CNTNAP2: variants seen among roughly 807,000 people sequenced by gnomAD.
The protein encoded by CNTNAP2 is contactin-associated protein-like 2.
Under a neutral mutation model 155.2 loss-of-function variants are expected in CNTNAP2, and 98 were observed. The ratio of observed to expected loss-of-function variants is 0.63; its 90% confidence interval spans 0.54 to 0.75. The LOEUF is 0.75. Ranked by LOEUF, CNTNAP2 falls within the 30% of genes least tolerant of loss-of-function variation. The probability of loss-of-function intolerance (pLI) is 0.00; values close to 1 mark genes in which losing one functional copy is unlikely to be tolerated. For synonymous variants in CNTNAP2, 651 were observed against 631.2 expected (o/e 1.03, Z -0.47); for missense variants, 1,727 against 1,688.1 (o/e 1.02, Z -0.40).
chr7:147,527,437 A>C (rs1799348144), intron 11 of CNTNAP2, among the ~76,000 whole-genome samples: 1 of 152,214 alleles, frequency 6.6e-6, no homozygotes, highest in East Asian at 1.9e-4. Flanking sequence ...AATGCAGCTT[A>C]AGTCCTCTCA....
intron 10 of CNTNAP2, among the ~76,000 whole-genome samples, chr7:147,485,049 G>C (rs1212577084): frequency 1.3e-5 from 2 of 152,114 alleles, no homozygotes; most frequent in Non-Finnish European, 1.5e-5. Flanking sequence ...CAGGAGAAAG[G>C]GTTTGTGCCA....
chr7:147,241,180 C>T (rs1352671882), intron 8 of CNTNAP2, among the ~76,000 whole-genome samples: 2 of 152,152 alleles, frequency 1.3e-5, no homozygotes, highest in African/African-American at 4.8e-5. Flanking sequence ...CAACGTTTCT[C>T]TCTGTCATGG....
chr7:146,299,059 G>A, intron 1 of CNTNAP2, among the ~76,000 whole-genome samples: 1 of 152,120 alleles, frequency 6.6e-6, no homozygotes, highest in East Asian at 1.9e-4. Flanking sequence ...ATCACTTGAA[G>A]TCAGGAGCTC....
chr7:147,783,000 T>C (rs914873016), intron 13 of CNTNAP2, among the ~76,000 whole-genome samples: 2 of 152,230 alleles, frequency 1.3e-5, no homozygotes, highest in African/African-American at 4.8e-5. Context: ...AGTATCTTCT[T>C]ATCTCTAAAT....
At chr7:147,768,989 G>A (rs778356124) in intron 13 of CNTNAP2, among the ~76,000 whole-genome samples, 1 of 151,932 alleles carries the variant, frequency 6.6e-6, no homozygotes, top group Non-Finnish European at 1.5e-5. Flanking sequence ...AGAGATTCTT[G>A]CATCATTTTA....
At chr7:147,438,871 A>C (rs765940657) in intron 10 of CNTNAP2, among the ~76,000 whole-genome samples, 8 of 151,870 alleles carry the variant, frequency 5.3e-5, no homozygotes, top group African/African-American at 9.7e-5. Flanking sequence ...TTTCCAATTT[A>C]TTGACATATA....
intron 13 of CNTNAP2, among the ~76,000 whole-genome samples, chr7:147,796,505 AGC>A (rs200175854): frequency 0.036 from 5,519 of 152,270 alleles, 163 homozygotes; most frequent in Non-Finnish European, 0.059. Context: ...CTGTTTGCTA[AGC>A]ACTTACCAAC....
intron 3 of CNTNAP2, among the ~76,000 whole-genome samples, chr7:146,971,578 G>T (rs1027429433): frequency 6.6e-6 from 1 of 152,244 alleles, no homozygotes; most frequent in African/African-American, 2.4e-5. Context: ...CCAAACTCAG[G>T]TTGCCAGCGT....
At chr7:147,830,180 C>T (rs1344023725) in intron 13 of CNTNAP2, among the ~76,000 whole-genome samples, 7 of 134,778 alleles carry the variant, frequency 5.2e-5, no homozygotes, top group Admixed American at 7.5e-5. Context: ...AAAAAAAAAA[C>T]ATAAACTAGG....
chr7:147,460,681 GT>G (rs200858864), intron 10 of CNTNAP2, among the ~76,000 whole-genome samples: 133 of 152,222 alleles, frequency 8.7e-4, no homozygotes, highest in African/African-American at 3.2e-3. Context: ...GTTTTGCTTT[GT>G]TTTTTGCAGT....
intron 13 of CNTNAP2, among the ~76,000 whole-genome samples, chr7:147,896,843 G>A (rs777641423): frequency 6.6e-6 from 1 of 152,156 alleles, no homozygotes; most frequent in Non-Finnish European, 1.5e-5. Flanking sequence ...CTGTGGGAAA[G>A]GGCTATTATC....
At chr7:146,180,744 CCA>C (rs956422852) in intron 1 of CNTNAP2, among the ~76,000 whole-genome samples, 2 of 152,202 alleles carry the variant, frequency 1.3e-5, no homozygotes, top group Admixed American at 6.5e-5. Flanking sequence ...GTAATCTTCA[CCA>C]CAGTCTTTGA....
At chr7:147,474,692 CT>C (rs774605172) in intron 10 of CNTNAP2, among the ~76,000 whole-genome samples, 1 of 152,122 alleles carries the variant, frequency 6.6e-6, no homozygotes, top group South Asian at 2.1e-4. Flanking sequence ...AGAGAAGTGA[CT>C]TTCTTACTGA....
intron 3 of CNTNAP2, among the ~76,000 whole-genome samples, chr7:147,042,983 G>T (rs944850081): frequency 1.3e-5 from 2 of 151,980 alleles, no homozygotes; most frequent in Non-Finnish European, 2.9e-5. Flanking sequence ...AGCTGAAACT[G>T]CTCATGTTTA....
chr7:148,285,464 G>A (rs768832724), intron 21 of CNTNAP2, among the ~76,000 whole-genome samples: 4 of 152,178 alleles, frequency 2.6e-5, no homozygotes, highest in East Asian at 1.9e-4. Flanking sequence ...CTTTTATCAC[G>A]GGTGCCAGAT....
chr7:146,339,254 C>T (rs926815769), intron 1 of CNTNAP2, among the ~76,000 whole-genome samples: 1 of 151,612 alleles, frequency 6.6e-6, no homozygotes, highest in Admixed American at 6.6e-5. Flanking sequence ...TACACATATG[C>T]GTGTACATAC....
At chr7:147,291,024 A>C (rs1486014701) in intron 8 of CNTNAP2, among the ~76,000 whole-genome samples, 3 of 152,192 alleles carry the variant, frequency 2.0e-5, no homozygotes, top group Non-Finnish European at 4.4e-5. Context: ...CAAACATGGA[A>C]TCAGCATATA....
At chr7:147,297,023 A>C (rs1022608111) in intron 8 of CNTNAP2, among the ~76,000 whole-genome samples, 35 of 152,314 alleles carry the variant, frequency 2.3e-4, no homozygotes, top group African/African-American at 8.2e-4. Context: ...TCAATTACAA[A>C]TGGACTTAGG....
intron 3 of CNTNAP2, among the ~76,000 whole-genome samples, chr7:146,982,193 C>A (rs1391510575): frequency 6.6e-6 from 1 of 152,018 alleles, no homozygotes; most frequent in Non-Finnish European, 1.5e-5. Context: ...CATAAAAATA[C>A]AATTTAAAGC....
Sources: gnomAD v4.1 joint callset for allele counts (sites outside exome capture counted in the v4.1 genomes callset) on GRCh38, gnomAD v4.1.1 for gene constraint, MANE v1.5 for transcripts, NCBI Gene and HGNC (gene_info 2026-07-23, HGNC 2026-07-21) for gene names.